ATP8B4: variants seen among roughly 807,000 people sequenced by gnomAD.
ATP8B4 encodes the protein ATPase phospholipid transporting 8B4 (putative).
ATP8B4 carries 133 observed loss-of-function variants against 145.6 expected under a neutral mutation model. The observed-to-expected ratio is 0.91, with a 90% CI of 0.79 to 1.05. The LOEUF (loss-of-function observed/expected upper bound fraction) is 1.05, where lower values mean the gene tolerates loss of function less well. ATP8B4 is among the 50% of genes least tolerant of loss of function. The pLI is 0.00. For missense variants in ATP8B4, 1,458 were observed against 1,425.2 expected (o/e 1.02, Z -0.37); for synonymous variants, 507 against 492.9 (o/e 1.03, Z -0.38).
intron 3 of ATP8B4, among the ~76,000 whole-genome samples, chr15:50,063,869 T>C (rs1420114157): frequency 6.6e-6 from 1 of 152,170 alleles, no homozygotes; most frequent in Non-Finnish European, 1.5e-5. Context: ...AGAAGACATG[T>C]TTGCTCTGCT....
intron 17 of ATP8B4, 113 bp downstream of exon 17, chr15:49,923,266 A>T (rs969629482): frequency 1.3e-6 from 1 of 763,186 alleles, no homozygotes; most frequent in Non-Finnish European, 2.2e-6. Context: ...CATTCTCCAG[A>T]TGCTTTCTAT....
chr15:50,017,246 C>G (rs1249240848), intron 6 of ATP8B4, among the ~76,000 whole-genome samples: 2 of 152,194 alleles, frequency 1.3e-5, no homozygotes, highest in South Asian at 2.1e-4. Context: ...TAGTACCTAT[C>G]TATTAAAAAT....
intron 16 of ATP8B4, among the ~76,000 whole-genome samples, chr15:49,926,147 T>C (rs1267319600): frequency 6.6e-6 from 1 of 152,114 alleles, no homozygotes. Context: ...TCCTGTCCAA[T>C]CCATCTCTAG....
chr15:49,908,618 T>C (rs540547288), intron 20 of ATP8B4, among the ~76,000 whole-genome samples: 188 of 152,134 alleles, frequency 1.2e-3, no homozygotes, highest in African/African-American at 4.2e-3. Context: ...GAGAGGGAGC[T>C]CACACTGGGT....
intron 3 of ATP8B4, among the ~76,000 whole-genome samples, chr15:50,067,011 A>G (rs962053058): frequency 6.6e-6 from 1 of 151,798 alleles, no homozygotes. Context: ...CTCTTCGTTC[A>G]CTTCAATCCT....
At chr15:50,120,178 G>A (rs2057252816), upstream of ATP8B4, among the ~76,000 whole-genome samples, 2 of 152,024 alleles carry the variant, frequency 1.3e-5, no homozygotes, top group African/African-American at 4.8e-5. Flanking sequence ...CTAATCCCCT[G>A]CGCACCATCA....
intron 17 of ATP8B4, chr15:49,922,491 A>C (rs74012841): frequency 2.6e-6 from 1 of 380,438 alleles, no homozygotes; most frequent in African/African-American, 2.2e-5. Flanking sequence ...CCAAACCATC[A>C]TTTTTTAAAT....
intron 7 of ATP8B4, among the ~76,000 whole-genome samples, chr15:50,005,512 A>G (rs8041014): frequency 0.68 from 103,714 of 152,006 alleles, 37,631 homozygotes; most frequent in East Asian, 0.99. Context: ...TGAGGAACCC[A>G]GGAGGTCATA....
chr15:49,922,872 A>G (rs761558930), intron 17 of ATP8B4, among the ~76,000 whole-genome samples: 2 of 152,242 alleles, frequency 1.3e-5, no homozygotes, highest in Non-Finnish European at 2.9e-5. Flanking sequence ...CAAGTGACTC[A>G]TCATGATTTA....
At chr15:49,978,004 A>G (rs1342273039) in intron 12 of ATP8B4, among the ~76,000 whole-genome samples, 1 of 152,132 alleles carries the variant, frequency 6.6e-6, no homozygotes, top group Non-Finnish European at 1.5e-5. Flanking sequence ...TTTTCTGTCA[A>G]TTGTACCATG....
intron 14 of ATP8B4, among the ~76,000 whole-genome samples, chr15:49,944,291 A>C (rs1457348208): frequency 6.6e-6 from 1 of 152,196 alleles, no homozygotes; most frequent in East Asian, 1.9e-4. Flanking sequence ...GATTTTTAAA[A>C]AATCATCACC....
chr15:50,007,179 T>C (rs963345759), intron 7 of ATP8B4, among the ~76,000 whole-genome samples: 1 of 152,210 alleles, frequency 6.6e-6, no homozygotes, highest in Non-Finnish European at 1.5e-5. Flanking sequence ...GTGAGCTTTT[T>C]TCCTTGCTTA....
At chr15:50,006,585 C>G (rs975298584) in intron 7 of ATP8B4, among the ~76,000 whole-genome samples, 1 of 150,666 alleles carries the variant, frequency 6.6e-6, no homozygotes, top group African/African-American at 2.5e-5. Context: ...CAAGAAAGAG[C>G]AAAAGCCCAC....
At chr15:49,940,420 G>T (rs1437077431) in intron 14 of ATP8B4, among the ~76,000 whole-genome samples, 1 of 152,102 alleles carries the variant, frequency 6.6e-6, no homozygotes, top group East Asian at 1.9e-4. Context: ...AGTGGGGTAA[G>T]GGTTGAAGAA....
chr15:49,936,113 T>C (rs780596555), intron 14 of ATP8B4, among the ~76,000 whole-genome samples: 10 of 152,178 alleles, frequency 6.6e-5, no homozygotes, highest in East Asian at 1.9e-4. Flanking sequence ...ATAAAAGATA[T>C]GTACATAAGT....
rs1425605907 is a variant in ATP8B4 at position 49,916,924 on chromosome 15, C to T, written c.2141+10G>A. The T allele has an allele frequency of 6.2e-7, 1 of 1,610,958 alleles. No homozygotes were observed. The highest frequency in any genetic ancestry group is 8.5e-7 in the Non-Finnish European group (1 of 1,177,738). On this transcript the variant is annotated intron_variant, in intron 20 of 27. Coordinates refer to ENST00000284509, the MANE Select transcript of ATP8B4 (RefSeq NM_024837.4). ...TCCTTCCATCCTTTCCTCCTTCCTT[C>T]AACACCTACCTGAGTTCTTCTCTCA...
chr15:50,059,333 T>C (rs1304157455), intron 3 of ATP8B4, among the ~76,000 whole-genome samples: 1 of 152,186 alleles, frequency 6.6e-6, no homozygotes, highest in Admixed American at 6.6e-5. Context: ...GTCACTGAAC[T>C]GATTTGCAAC....
chr15:50,054,949 T>A (rs923151927), intron 3 of ATP8B4, among the ~76,000 whole-genome samples: 7 of 152,048 alleles, frequency 4.6e-5, no homozygotes, highest in African/African-American at 1.7e-4. Flanking sequence ...GATAGATTCA[T>A]CTCCCATCCA....
chr15:50,129,713 T>A lies in ATP8B4; in HGVS notation c.-42-22705A>T, dbSNP rs566136418. On this transcript the variant is annotated intron_variant, in intron 1 of 3. Coordinates refer to the ATP8B4 transcript ENST00000558829. ...AGGGGATTTTAATTAATGGCCAGTA[T>A]TGAAATTATGTGGTAGACTAGGTCA... 3.2e-4 allele frequency among the ~76,000 whole-genome samples: 49 copies of A among 152,006 alleles called. No individual in the cohort carries two copies. In the East Asian group the frequency reaches 9.3e-3, roughly 29 times the overall value.
Sources: gnomAD v4.1 joint callset for allele counts (sites outside exome capture counted in the v4.1 genomes callset) on GRCh38, gnomAD v4.1.1 for gene constraint, MANE v1.5 for transcripts, NCBI Gene and HGNC (gene_info 2026-07-23, HGNC 2026-07-21) for gene names.